Variants in KATNAL1 observed in about 807,000 individuals in gnomAD.
KATNAL1 encodes the protein katanin p60 ATPase-containing subunit A-like 1.
A neutral mutation model predicts 55.2 loss-of-function variants in KATNAL1; 32 were observed. The observed-to-expected ratio is 0.58, with a 90% CI of 0.44 to 0.78. The LOEUF (loss-of-function observed/expected upper bound fraction) is 0.78. Ranked by LOEUF, KATNAL1 falls within the 30% of genes least tolerant of loss-of-function variation. The pLI, the probability that KATNAL1 is intolerant of heterozygous loss-of-function variation, is 0.00. For missense variants in KATNAL1, 466 were observed against 600.9 expected, an observed-to-expected ratio of 0.78 and a Z score of 2.35; for synonymous variants, 193 against 193.6, an observed-to-expected ratio of 1.00 and a Z score of 0.02.
chr13:30,271,783 C>T (rs1264475969), intron 3 of KATNAL1, among the ~76,000 whole-genome samples: 1 of 149,966 alleles, frequency 6.7e-6, no homozygotes, highest in African/African-American at 2.5e-5. Context: ...CTTCTTTCTA[C>T]TGCTCTTTGG....
intron 8 of KATNAL1, among the ~76,000 whole-genome samples, chr13:30,229,101 C>T (rs1449519439): frequency 6.6e-6 from 1 of 152,126 alleles, no homozygotes; most frequent in Non-Finnish European, 1.5e-5. Context: ...TAATGTTTTG[C>T]TTGAACGGCC....
chr13:30,296,753 G>T, intron 1 of KATNAL1: 1 of 498,604 alleles, frequency 2.0e-6, no homozygotes, highest in South Asian at 1.7e-5. Context: ...AATGGATAGT[G>T]AGCTTGTGCC....
Position 30,204,185 on chromosome 13 carries a change from T to C in KATNAL1, c.*4355A>G, listed in dbSNP as rs977142777. 1 of 152,124 alleles carries C rather than the reference T, an allele frequency of 6.6e-6. No individual in the cohort carries two copies. The highest frequency in any genetic ancestry group is 1.5e-5 in the Non-Finnish European group (1 of 68,032). The allele number at this position is 152,124 out of a possible 1,614,324, so 9.4% of individuals were successfully genotyped here. A position where few individuals can be genotyped will look rare whatever the true frequency, so the allele number is the denominator to read the frequency against. On this transcript the variant is annotated 3_prime_UTR_variant, in exon 11 of 11. Coordinates refer to ENST00000380615, the MANE Select transcript of KATNAL1 (RefSeq NM_032116.5). The stretch of plus-strand genomic sequence containing the variant: ...AAAAAGATACAAAAAAGAGAATAGT[T>C]AGGATTTTTTCCTCATACAAGTTAA...
intron 3 of KATNAL1, among the ~76,000 whole-genome samples, chr13:30,275,866 T>TG (rs1227757739): frequency 6.6e-6 from 1 of 151,964 alleles, no homozygotes; most frequent in Non-Finnish European, 1.5e-5. Context: ...TCAATAAAGT[T>TG]GGGGGAAAAA....
chr13:30,217,058 T>C (rs540200448), intron 9 of KATNAL1, among the ~76,000 whole-genome samples: 58 of 149,880 alleles, frequency 3.9e-4, no homozygotes, highest in Non-Finnish European at 6.8e-4. Flanking sequence ...TCTGTTTCCC[T>C]AGTAACTATG....
chr13:30,246,370 T>C (rs1877795591), intron 4 of KATNAL1, among the ~76,000 whole-genome samples: 1 of 152,172 alleles, frequency 6.6e-6, no homozygotes, highest in Non-Finnish European at 1.5e-5. Context: ...GACCCCTTCC[T>C]TACACCTTAT....
intron 4 of KATNAL1, among the ~76,000 whole-genome samples, chr13:30,249,185 T>C (rs903540019): frequency 6.6e-6 from 1 of 151,888 alleles, no homozygotes; most frequent in Non-Finnish European, 1.5e-5. Context: ...TGAGCCCAGA[T>C]TGCACCATTG....
In KATNAL1 at chr13:30,248,718, A is replaced by G. The variant is rs184645059; in HGVS notation, c.492+6729T>C. ...GGCAGGTGGATCACCTGAGGTCAGG[A>G]GTTCGAGACCAGCCTGGCCAACGTG... On this transcript the variant is annotated intron_variant, in intron 4 of 10. Coordinates refer to ENST00000380615, the MANE Select transcript of KATNAL1 (RefSeq NM_032116.5). 4.7e-4 allele frequency among the ~76,000 whole-genome samples: 72 copies of G among 152,322 alleles called. No individual in the cohort carries two copies. In the East Asian group the frequency reaches 0.013, roughly 28 times the overall value.
At chr13:30,297,143 TAAA>T (rs560378346) in intron 1 of KATNAL1, among the ~76,000 whole-genome samples, 5 of 103,662 alleles carry the variant, frequency 4.8e-5, no homozygotes, top group Admixed American at 1.1e-4. Flanking sequence ...ACCCTGCCTC[TAAA>T]AAAAAAAAAA....
chr13:30,226,736 G>C (rs1875511221), intron 9 of KATNAL1, among the ~76,000 whole-genome samples: 1 of 152,134 alleles, frequency 6.6e-6, no homozygotes, highest in Non-Finnish European at 1.5e-5. Flanking sequence ...AAAATAAAAA[G>C]AAAACATTCA....
At chr13:30,238,737 A>C (rs1309471078) in intron 6 of KATNAL1, among the ~76,000 whole-genome samples, 4 of 152,188 alleles carry the variant, frequency 2.6e-5, no homozygotes, top group African/African-American at 9.7e-5. Flanking sequence ...AGCTATATGT[A>C]ACTGCCCAAC....
intron 9 of KATNAL1, among the ~76,000 whole-genome samples, chr13:30,213,345 C>A (rs1045389137): frequency 1.3e-5 from 2 of 152,108 alleles, no homozygotes; most frequent in African/African-American, 4.8e-5. Context: ...ACCAGAGGTA[C>A]AAGGAGGAAC....
chr13:30,212,368 C>G (rs1300010895), intron 9 of KATNAL1, among the ~76,000 whole-genome samples: 1 of 152,230 alleles, frequency 6.6e-6, no homozygotes, highest in Non-Finnish European at 1.5e-5. Context: ...TCAGACTACC[C>G]AATAGCCAGC....
intron 1 of KATNAL1, among the ~76,000 whole-genome samples, chr13:30,285,900 G>A (rs562079222): frequency 3.0e-4 from 46 of 152,324 alleles, no homozygotes; most frequent in African/African-American, 1.1e-3. Context: ...GCAGCATTTT[G>A]TCCCTGCCCT....
Position 30,228,703 on chromosome 13 carries a change from A to G in KATNAL1, c.1013-1157T>C, listed in dbSNP as rs142195080. 3.6e-3 allele frequency among the ~76,000 whole-genome samples: 543 copies of G among 152,338 alleles called. 3 individuals are homozygous for G. Among genetic ancestry groups the G allele is most frequent in the Admixed American group, 0.023 (351 of 15,292 alleles). On this transcript the variant is annotated intron_variant, in intron 8 of 10. Coordinates refer to ENST00000380615, the MANE Select transcript of KATNAL1 (RefSeq NM_032116.5). ...ATTCAGTAAGTATCCACAGTTGATG[A>G]ATAACCGTGACTGTTTTGAAACAAC...
chr13:30,297,216 A>G (rs36026515), intron 1 of KATNAL1, among the ~76,000 whole-genome samples: 32,587 of 151,666 alleles, frequency 0.21, 3,717 homozygotes, highest in East Asian at 0.3. Flanking sequence ...GGAAGAGAGG[A>G]AAAAGAGAAG....
intron 3 of KATNAL1, among the ~76,000 whole-genome samples, chr13:30,270,991 A>G (rs1159958108): frequency 1.3e-5 from 2 of 152,154 alleles, no homozygotes; most frequent in African/African-American, 4.8e-5. Flanking sequence ...GAAGGGGTAA[A>G]TACTTTAAAT....
intron 3 of KATNAL1, among the ~76,000 whole-genome samples, chr13:30,260,590 C>G (rs1467781279): frequency 6.6e-6 from 1 of 151,736 alleles, no homozygotes; most frequent in Non-Finnish European, 1.5e-5. Flanking sequence ...CCTCAGGAGC[C>G]GATGAGATCA....
intron 9 of KATNAL1, among the ~76,000 whole-genome samples, chr13:30,218,432 G>T (rs8000819): frequency 3.9e-5 from 6 of 151,928 alleles, no homozygotes; most frequent in East Asian, 3.9e-4. Flanking sequence ...AAGAACATTA[G>T]AACTCACTTG....
Sources: gnomAD v4.1 joint callset for allele counts (sites outside exome capture counted in the v4.1 genomes callset) on GRCh38, gnomAD v4.1.1 for gene constraint, MANE v1.5 for transcripts, NCBI Gene and HGNC (gene_info 2026-07-23, HGNC 2026-07-21) for gene names.